U2AF2: variants seen among roughly 807,000 people sequenced by gnomAD.
U2AF2 encodes U2 small nuclear RNA auxiliary factor 2.
U2AF2 carries 6 observed loss-of-function variants against 52.6 expected under a neutral mutation model. The observed-to-expected ratio is 0.11, with a 90% CI of 0.06 to 0.23. The LOEUF (loss-of-function observed/expected upper bound fraction) is 0.23, where lower values mean the gene tolerates loss of function less well. Ranked by LOEUF, U2AF2 falls within the 10% of genes least tolerant of loss-of-function variation. The probability of loss-of-function intolerance (pLI) is 1.00; values close to 1 mark genes in which losing one functional copy is unlikely to be tolerated. For synonymous variants in U2AF2, 284 were observed against 258.2 expected (o/e 1.10, Z -0.96); for missense variants, 222 against 677.1 (o/e 0.33, Z 7.46).
intron 6 of U2AF2, among the ~76,000 whole-genome samples, chr19:55,662,857 C>G (rs1406150803): frequency 2.6e-5 from 4 of 152,110 alleles, no homozygotes; most frequent in Non-Finnish European, 4.4e-5. Context: ...ACCTCTTTGG[C>G]CTTTTCCAGA....
In U2AF2 at chr19:55,668,600, C is replaced by A; in HGVS notation, c.822+14C>A. ...AACGATGACCAGGTAACTTCCCTGCCTCCCTCCAGACCCGTCCCCCCACCC... is the reference window on the plus strand; with the variant it reads ...AACGATGACCAGGTAACTTCCCTGCATCCCTCCAGACCCGTCCCCCCACCC... On this transcript the variant is annotated intron_variant, in intron 8 of 11. Transcript: ENST00000308924. This position sits in a 1 kb window ranked among gnomAD's most constrained non-coding sequence, Gnocchi z 5.5. 1 of 1,604,664 alleles carries A rather than the reference C, an allele frequency of 6.2e-7. No individual in the cohort carries two copies. Among genetic ancestry groups the A allele is most frequent in the Non-Finnish European group, 8.5e-7 (1 of 1,174,318 alleles).
Position 55,673,893 on chromosome 19 carries a change from C to T in U2AF2, c.1294-41C>T, listed in dbSNP as rs149269403. 2.4e-4 allele frequency: 384 copies of T among 1,584,552 alleles called. 1 individual carries two copies. The highest frequency in any genetic ancestry group is 3.4e-4 in the Middle Eastern group (2 of 5,916). ...GGGTGGACGCTGACTGGCTGTTGGG[C>T]GTGAGCCTTGTTCACAAACCTGCCT... On this transcript the variant is annotated intron_variant, in intron 11 of 11. Coordinates refer to ENST00000308924, the MANE Select transcript of U2AF2 (RefSeq NM_007279.3).
chr19:55,660,416 T>C, intron 3 of U2AF2, 100 bp from the exon 4 acceptor site: 1 of 1,117,470 alleles, frequency 8.9e-7, no homozygotes, highest in East Asian at 2.5e-5. Context: ...GCTTACATGG[T>C]TGCGGGGAGG....
At chr19:55,655,462 C>T (rs1394649259) in intron 1 of U2AF2, among the ~76,000 whole-genome samples, 1 of 152,248 alleles carries the variant, frequency 6.6e-6, no homozygotes, top group Non-Finnish European at 1.5e-5. Flanking sequence ...TCGACGTGAA[C>T]TTTTGTTTTT....
chr19:55,664,295 C>T (rs1031310318), intron 7 of U2AF2, among the ~76,000 whole-genome samples: 19 of 152,202 alleles, frequency 1.2e-4, no homozygotes, highest in Admixed American at 3.3e-4. Context: ...TGAAAGCAGC[C>T]GGACGGTGTC....
At chr19:55,666,519 G>A (rs1001768548) in intron 7 of U2AF2, among the ~76,000 whole-genome samples, 3 of 152,250 alleles carry the variant, frequency 2.0e-5, no homozygotes, top group Admixed American at 6.5e-5. Context: ...GGGTCCTGTT[G>A]TGGGCATTGA....
At chr19:55,662,803 A>G (rs965783692) in intron 6 of U2AF2, among the ~76,000 whole-genome samples, 185 bp downstream of exon 6, 1 of 151,674 alleles carries the variant, frequency 6.6e-6, no homozygotes, top group Non-Finnish European at 1.5e-5. Context: ...TCTGCCTTCC[A>G]TTTGCTTTCT....
intron 1 of U2AF2, 91 bp from the exon 2 acceptor site, chr19:55,659,119 G>A: frequency 7.2e-7 from 1 of 1,391,602 alleles, no homozygotes; most frequent in Non-Finnish European, 9.4e-7. Context: ...GGCCTCCCTG[G>A]GGCTTGGGAC....
intron 10 of U2AF2, 23 bp from the exon 11 acceptor site, chr19:55,669,421 C>G: frequency 6.4e-7 from 1 of 1,574,444 alleles, no homozygotes; most frequent in Non-Finnish European, 8.6e-7. Flanking sequence ...CCTGTGACGC[C>G]GCTGCCTCCC....
At chr19:55,663,865 C>T (rs1251999707) in intron 7 of U2AF2, 121 bp downstream of exon 7, 1 of 1,447,060 alleles carries the variant, frequency 6.9e-7, no homozygotes, top group Non-Finnish European at 9.4e-7. Flanking sequence ...AAGATAGGTG[C>T]CTTTTCCCTG....
chr19:55,672,509 C>T (rs377218682), intron 11 of U2AF2, among the ~76,000 whole-genome samples: 2 of 152,134 alleles, frequency 1.3e-5, no homozygotes, highest in Non-Finnish European at 2.9e-5. Flanking sequence ...CTCCACCCAC[C>T]GGATGCAAGA....
At chr19:55,665,066 G>A (rs914082227) in intron 7 of U2AF2, among the ~76,000 whole-genome samples, 8 of 152,320 alleles carry the variant, frequency 5.3e-5, no homozygotes, top group Admixed American at 3.9e-4. Flanking sequence ...ACCTTTTGGA[G>A]CCTGTAATAT....
chr19:55,659,051 G>GT (rs1200936350), intron 1 of U2AF2, 159 bp from the exon 2 acceptor site: 1 of 1,222,908 alleles, frequency 8.2e-7, no homozygotes, highest in Non-Finnish European at 1.1e-6. Flanking sequence ...GGACTCGCTT[G>GT]TGGACCCAGG....
At chr19:55,661,260 C>CT in intron 5 of U2AF2, 71 bp downstream of exon 5, 4 of 1,405,506 alleles carry the variant, frequency 2.8e-6, no homozygotes, top group Non-Finnish European at 3.8e-6. Flanking sequence ...CCTCCATTCC[C>CT]TTTCCCCAAC....
At chr19:55,661,381 T>G in intron 5 of U2AF2, 192 bp downstream of exon 5, 5 of 520,160 alleles carry the variant, frequency 9.6e-6, no homozygotes, top group Non-Finnish European at 1.6e-5. Context: ...CTCCCTCCTC[T>G]TCCCCTCTCC....
chr19:55,660,339 TA>T, intron 3 of U2AF2, 118 bp downstream of exon 3: 1 of 1,269,392 alleles, frequency 7.9e-7, no homozygotes, highest in Non-Finnish European at 1.1e-6. Flanking sequence ...AGAGTCCACT[TA>T]CCTTGAAACC....
At chr19:55,662,093 C>T (rs554818293) in intron 5 of U2AF2, 7 of 169,012 alleles carry the variant, frequency 4.1e-5, no homozygotes, top group African/African-American at 7.2e-5. Context: ...TGCCACTTTT[C>T]TGTCTGTCTC....
In U2AF2 at chr19:55,673,850, G is replaced by A; in HGVS notation, c.1294-84G>A. The A allele has an allele frequency of 2.6e-6, 4 of 1,523,590 alleles. No individual in the cohort carries two copies. The South Asian group carries it at 3.9e-5, about 15-fold the overall frequency. 94.4% of individuals were successfully genotyped at this position (1,523,590 alleles called of 1,614,324 possible). A position where few individuals can be genotyped will look rare whatever the true frequency, so the allele number is the denominator to read the frequency against. On this transcript the variant is annotated intron_variant, in intron 11 of 11. Transcript: ENST00000308924. ...AGCCCCCTCCTCCCTGTCCCTTCCT[G>A]CCTTCAGTGCTGGGGTTGGGTGGAC...
At chr19:55,667,354 G>A (rs1485482266) in intron 7 of U2AF2, among the ~76,000 whole-genome samples, 1 of 152,208 alleles carries the variant, frequency 6.6e-6, no homozygotes, top group Non-Finnish European at 1.5e-5. Context: ...AGAGGAAGGG[G>A]AGGCCATATG....
Sources: gnomAD v4.1 joint callset for allele counts (sites outside exome capture counted in the v4.1 genomes callset) on GRCh38, gnomAD v4.1.1 for gene constraint, Gnocchi (gnomAD v3.1) non-coding constraint, MANE v1.5 for transcripts, NCBI Gene and HGNC (gene_info 2026-07-23, HGNC 2026-07-21) for gene names.